FAM151A: variants seen among roughly 807,000 people sequenced by gnomAD.
FAM151A encodes family with sequence similarity 151 member A.
A neutral mutation model predicts 40.4 loss-of-function variants in FAM151A; 41 were observed. The ratio of observed to expected loss-of-function variants is 1.01; its 90% CI spans 0.79 to 1.32. The LOEUF (loss-of-function observed/expected upper bound fraction) is 1.32, where lower values mean the gene tolerates loss of function less well. Ranked by LOEUF, FAM151A falls within the 40% of genes most tolerant of loss-of-function variation. FAM151A has a pLI of 0.00. For synonymous variants in FAM151A, 337 were observed against 312.5 expected (o/e 1.08, Z -0.83); for missense variants, 740 against 740.4 (o/e 1.00, Z 0.01).
intron 6 of FAM151A, chr1:54,611,031 G>A (rs1442046798): frequency 1.0e-6 from 1 of 984,944 alleles, no homozygotes; most frequent in Non-Finnish European, 1.2e-6. Flanking sequence ...TTTGGAATTT[G>A]CTGGTTTCCT....
chr1:54,617,284 G>A (rs554902752), intron 2 of FAM151A, among the ~76,000 whole-genome samples: 2 of 152,022 alleles, frequency 1.3e-5, no homozygotes, highest in Non-Finnish European at 2.9e-5. Flanking sequence ...GAGAGGGGCC[G>A]CTTTTGGCCC....
intron 2 of FAM151A, among the ~76,000 whole-genome samples, chr1:54,616,970 T>G (rs1013299800): frequency 1.4e-5 from 2 of 141,772 alleles, no homozygotes; most frequent in Admixed American, 1.4e-4. Context: ...CCTCTCAAAG[T>G]GTTGAGATTA....
At chr1:54,618,246 G>T (rs1387759747) in intron 2 of FAM151A, among the ~76,000 whole-genome samples, 1 of 152,154 alleles carries the variant, frequency 6.6e-6, no homozygotes, top group Non-Finnish European at 1.5e-5. Context: ...GCTCAGACCT[G>T]TAATCCTAGC....
At chr1:54,620,110 AC>A in intron 1 of FAM151A, 103 bp from the exon 2 acceptor site, 1 of 1,249,554 alleles carries the variant, frequency 8.0e-7, no homozygotes, top group Non-Finnish European at 1.1e-6. Flanking sequence ...TGTGTCCAGT[AC>A]CCCATCTGGC....
intron 3 of FAM151A, 109 bp downstream of exon 3, chr1:54,615,911 G>A (rs1644167779): frequency 8.7e-7 from 1 of 1,149,876 alleles, no homozygotes; most frequent in Non-Finnish European, 1.3e-6. Flanking sequence ...CCAAGGCAAT[G>A]AGCACCTCGT....
intron 1 of FAM151A, among the ~76,000 whole-genome samples, chr1:54,620,845 CAAAAA>C (rs767625864): frequency 0.024 from 290 of 12,032 alleles, no homozygotes; most frequent in Non-Finnish European, 0.034. Context: ...GAGACTCTGT[CAAAAA>C]AAAAAAAAAA....
rs1644131920 is a variant in FAM151A at position 54,612,669 on chromosome 1, AG to A, written c.616del (p.Leu206TyrfsTer57). 1 of 1,613,934 alleles carries A rather than the reference AG, an allele frequency of 6.2e-7. No individual in the cohort carries two copies. The highest frequency in any genetic ancestry group is 1.1e-5 in the South Asian group (1 of 91,084). On this transcript the variant is annotated frameshift_variant, in exon 5 of 8. Transcript: ENST00000302250. LOFTEE classifies it high-confidence loss of function. Reference sequence around the variant, plus strand: ...GTAGAAGGTGGTCCAGCCTGGAGATAGGGTAGCCTTGGGATACTTCTCCTGG... The same window carrying A: ...GTAGAAGGTGGTCCAGCCTGGAGATAGGTAGCCTTGGGATACTTCTCCTGG... ...LVQEKYPKAT[L>X]SPGWTTFYMS...
At position 54,619,964 on chromosome 1, in the gene FAM151A, G is replaced by A; in HGVS notation, c.162C>T (p.Asp54=). Reference sequence around the variant, plus strand: ...TGATCTGGCCCAGGCTCAGCAGGTAGTCCAGCATGTCGGCATCAGGGCTGC... The same window carrying A: ...TGATCTGGCCCAGGCTCAGCAGGTAATCCAGCATGTCGGCATCAGGGCTGC... The part of the protein sequence containing the change: ...EACSPDADML[D]YLLSLGQISR... Residue 54 remains aspartate, a synonymous_variant, in exon 2 of 8, where the codon GAC becomes GAT. Coordinates refer to ENST00000302250, the MANE Select transcript of FAM151A (RefSeq NM_176782.3). The A allele has an allele frequency of 1.2e-6, 2 of 1,614,210 alleles. No homozygotes were observed. The highest frequency in any genetic ancestry group is 1.1e-5 in the South Asian group (1 of 91,080).
At chr1:54,614,985 G>T (rs1162690834) in intron 3 of FAM151A, 126 bp from the exon 4 acceptor site, 4 of 934,276 alleles carry the variant, frequency 4.3e-6, no homozygotes, top group Non-Finnish European at 6.4e-6. Flanking sequence ...TCAGGGGAGG[G>T]CGGAAGGACC....
rs1644154180 is a variant in FAM151A, at chr1:54,614,810, G to A, written c.465C>T (p.Asp155=). 6.2e-7 allele frequency: 1 copy of A among 1,614,012 alleles called. No homozygotes were observed. Among genetic ancestry groups the A allele is most frequent in the African/African-American group, 1.3e-5 (1 of 74,920 alleles). Residue 155 remains aspartate (D), a synonymous_variant, in exon 4 of 8, where the codon GAC becomes GAT. Transcript: ENST00000302250. ...CTTCCTCTGTCAGCTGCCGCAGGAG[G>A]TCCAGGGAGGGGCCCACTGCCTTGA... The part of the protein sequence containing the change: ...KNIKAVGPSL[D]LLRQLTEEGK...
intron 3 of FAM151A, among the ~76,000 whole-genome samples, chr1:54,615,224 T>C (rs184761623): frequency 8.7e-4 from 132 of 152,076 alleles, no homozygotes; most frequent in African/African-American, 3.1e-3. Flanking sequence ...CCAGAGCCTG[T>C]AGGGAGGTTA....
At chr1:54,623,169 C>G in intron 1 of FAM151A, 109 bp downstream of exon 1, 1 of 737,282 alleles carries the variant, frequency 1.4e-6, no homozygotes, top group Non-Finnish European at 2.3e-6. Flanking sequence ...AAGAGCAAAA[C>G]TCCGTCTAAA....
chr1:54,609,870 G>A lies in FAM151A; in HGVS notation c.1156C>T (p.His386Tyr). The A allele has an allele frequency of 6.2e-7, 1 of 1,613,778 alleles. No homozygotes were observed. Among genetic ancestry groups the A allele is most frequent in the Non-Finnish European group, 8.5e-7 (1 of 1,180,018 alleles). Residue 386 changes from histidine to tyrosine, a missense_variant, in exon 8 of 8, where the codon CAT becomes TAT. Coordinates refer to ENST00000302250, the MANE Select transcript of FAM151A (RefSeq NM_176782.3). The stretch of plus-strand genomic sequence containing the variant: ...GTCAGGATGTTGCCACTTGGAGTAT[G>A]AACAATGGGCACGGGGTTTTCAGCC... ...TVAENPVPIV[H>Y]TPSGNILTLE...
At chr1:54,613,829 A>C (rs772764864) in intron 4 of FAM151A, among the ~76,000 whole-genome samples, 14 of 152,146 alleles carry the variant, frequency 9.2e-5, no homozygotes, top group Non-Finnish European at 1.9e-4. Context: ...GCACAATAAT[A>C]AATTGGATGG....
At position 54,609,213 on chromosome 1, in the gene FAM151A, C is replaced by T. The variant is rs113109924; in HGVS notation, c.*55G>A. On this transcript the variant is annotated 3_prime_UTR_variant, in exon 8 of 8. Transcript: ENST00000302250. ...AGCCAAAGACCTTTATTTCTTCCTG[C>T]CTCCCCGTGGGAAGCCTCCGCCCTG... 9 of 1,590,156 alleles carry T rather than the reference C, an allele frequency of 5.7e-6. No homozygotes were observed. In the African/African-American group the frequency reaches 1.1e-4, roughly 19 times the overall value.
At chr1:54,618,178 C>T (rs936230968) in intron 2 of FAM151A, among the ~76,000 whole-genome samples, 1 of 152,140 alleles carries the variant, frequency 6.6e-6, no homozygotes, top group East Asian at 1.9e-4. Context: ...ACTATGGCAC[C>T]TCCTGCTCAT....
intron 1 of FAM151A, among the ~76,000 whole-genome samples, chr1:54,622,471 C>T (rs191942773): frequency 5.3e-4 from 80 of 150,922 alleles, no homozygotes; most frequent in African/African-American, 1.8e-3. Flanking sequence ...CCAGCTACTC[C>T]GGAGGCTGAA....
chr1:54,619,780 G>T, intron 2 of FAM151A, 84 bp downstream of exon 2: 2 of 1,413,234 alleles, frequency 1.4e-6, no homozygotes, highest in South Asian at 1.2e-5. Context: ...CCACCACAGT[G>T]ACCAGTGTCT....
At chr1:54,612,993 C>G (rs1028994407) in intron 4 of FAM151A, among the ~76,000 whole-genome samples, 1 of 122,108 alleles carries the variant, frequency 8.2e-6, no homozygotes, top group Non-Finnish European at 1.7e-5. Context: ...TAAACATCCT[C>G]ATATAGACAG....
Sources: gnomAD v4.1 joint callset for allele counts (sites outside exome capture counted in the v4.1 genomes callset) on GRCh38, gnomAD v4.1.1 for gene constraint, MANE v1.5 for transcripts, NCBI Gene and HGNC (gene_info 2026-07-23, HGNC 2026-07-21) for gene names.